The following PIP5K1A variants were observed in gnomAD, a reference collection of about 807,000 sequenced individuals.
PIP5K1A encodes phosphatidylinositol-4-phosphate 5-kinase type 1 alpha.
PIP5K1A carries 46 observed loss-of-function variants against 72.9 expected under a neutral mutation model. That is an observed-to-expected ratio of 0.63 (90% CI 0.50 to 0.81). The LOEUF (loss-of-function observed/expected upper bound fraction) is 0.81, where lower values mean the gene tolerates loss of function less well. Among genes scored for constraint, PIP5K1A ranks in the 30% least tolerant of loss-of-function variants. The pLI is 0.00. For synonymous variants in PIP5K1A, 228 were observed against 255.1 expected (o/e 0.89, Z 1.01); for missense variants, 458 against 706.1 (o/e 0.65, Z 3.98).
At position 151,247,798 on chromosome 1, in the gene PIP5K1A, G is replaced by T. The variant is rs12065634; in HGVS notation, c.1687-65G>T. On this transcript the variant is annotated intron_variant, in intron 15 of 15. Coordinates refer to ENST00000368888, the MANE Select transcript of PIP5K1A (RefSeq NM_001135638.2). Reference sequence around the variant, plus strand: ...GAGGCTGAAATAGAAATTTCTTAACGCTTGAATTCCATTTCTGCTTAATCT... The same window carrying T: ...GAGGCTGAAATAGAAATTTCTTAACTCTTGAATTCCATTTCTGCTTAATCT... 7.4e-3 allele frequency: 10,042 copies of T among 1,350,990 alleles called. 529 individuals are homozygous for T. In the African/African-American group the frequency reaches 0.12, roughly 16 times the overall value. 83.7% of individuals were successfully genotyped at this position (1,350,990 alleles called of 1,614,324 possible).
At chr1:151,210,252 A>G (rs955869047) in intron 1 of PIP5K1A, among the ~76,000 whole-genome samples, 4 of 150,078 alleles carry the variant, frequency 2.7e-5, no homozygotes, top group Non-Finnish European at 5.9e-5. Context: ...GTGGTGTGCA[A>G]TGGCATGATG....
intron 1 of PIP5K1A, among the ~76,000 whole-genome samples, chr1:151,219,301 A>G (rs1688054773): frequency 1.3e-5 from 2 of 150,838 alleles, no homozygotes; most frequent in Non-Finnish European, 2.9e-5. Context: ...GAATCAGTTG[A>G]GCCCAGGAGG....
At chr1:151,224,610 G>A (rs1043766368) in intron 3 of PIP5K1A, among the ~76,000 whole-genome samples, 2 of 152,182 alleles carry the variant, frequency 1.3e-5, no homozygotes, top group Non-Finnish European at 2.9e-5. Flanking sequence ...TTTTACAGAT[G>A]AAGAAAGTGA....
chr1:151,228,148 T>C (rs910719447), intron 4 of PIP5K1A, among the ~76,000 whole-genome samples: 3 of 152,010 alleles, frequency 2.0e-5, no homozygotes, highest in African/African-American at 7.2e-5. Context: ...TCTTCCATTT[T>C]TTTTTTAGAG....
Position 151,247,048 on chromosome 1 carries a change from G to A in PIP5K1A, c.1686+83G>A. Reference sequence around the variant, plus strand: ...GATGGCCTGGAGCAGGAAGTTAATTGTCAAGATTAGAGGATCTGGGTACCT... The same window carrying A: ...GATGGCCTGGAGCAGGAAGTTAATTATCAAGATTAGAGGATCTGGGTACCT... On this transcript the variant is annotated intron_variant, in intron 15 of 15. Coordinates refer to ENST00000368888, the MANE Select transcript of PIP5K1A (RefSeq NM_001135638.2). The A allele has an allele frequency of 2.4e-6, 2 of 847,308 alleles. 1 individual carries two copies. 52.5% of individuals were successfully genotyped at this position (847,308 alleles called of 1,614,324 possible). A position where few individuals can be genotyped will look rare whatever the true frequency, so the allele number is the denominator to read the frequency against.
chr1:151,216,074 A>G (rs947745920), intron 1 of PIP5K1A: 13 of 793,226 alleles, frequency 1.6e-5, no homozygotes, highest in African/African-American at 7.1e-5. Context: ...CCTCTTCCCC[A>G]TAACAGTTGC....
intron 3 of PIP5K1A, among the ~76,000 whole-genome samples, chr1:151,226,420 A>G (rs977999587): frequency 6.6e-6 from 1 of 151,892 alleles, no homozygotes; most frequent in African/African-American, 2.4e-5. Context: ...GTTTAAAAAT[A>G]CTCACCTTTG....
upstream of PIP5K1A, chr1:151,197,809 C>T: frequency 3.3e-6 from 1 of 299,982 alleles, no homozygotes; most frequent in Non-Finnish European, 6.6e-6. Context: ...GACTGGTCTT[C>T]CCACCAGGGT....
intron 1 of PIP5K1A, among the ~76,000 whole-genome samples, chr1:151,223,142 G>A (rs1030234356): frequency 1.3e-5 from 2 of 151,262 alleles, no homozygotes; most frequent in Non-Finnish European, 1.5e-5. Context: ...CCTGAGGTCA[G>A]GAATTCAAGA....
At chr1:151,214,364 T>TTTTTTGTTTTTG (rs587671699) in intron 1 of PIP5K1A, among the ~76,000 whole-genome samples, 3 of 151,938 alleles carry the variant, frequency 2.0e-5, no homozygotes, top group African/African-American at 7.3e-5. Flanking sequence ...TTTTTTCTGT[T>TTTTTTGTTTTTG]TTTTTGTTTT....
Position 151,199,064 on chromosome 1 carries a change from C to A in PIP5K1A, c.68C>A (p.Ser23Tyr), listed in dbSNP as rs775222396. The change falls in exon 1 of 16, where the codon TCC becomes TAC. Residue 23 changes from serine to tyrosine, a missense_variant. This residue lies in a region of PIP5K1A where 81 missense variants were observed against 88.0 expected (regional missense o/e 0.92). Transcript: ENST00000368888. ...TCATCCTTTGATCCCGCGGTCCCTT[C>A]CTGTACCTTGTCCTCAGGTAAGCCC... ...GFSSFDPAVP[S>Y]CTLSSAASGI... is the part of the protein sequence containing the mutation. The A allele has an allele frequency of 9.9e-6, 16 of 1,614,158 alleles. No homozygotes were observed. In the East Asian group the frequency reaches 3.1e-4, roughly 31 times the overall value.
chr1:151,236,787 G>T lies in PIP5K1A; in HGVS notation c.1145+24G>T, dbSNP rs190842674. On this transcript the variant is annotated intron_variant, in intron 9 of 15. Transcript: ENST00000368888. The stretch of plus-strand genomic sequence containing the variant: ...CAGTAAGTGGGCTCAGGGCCACTAG[G>T]GGGGAGAACATAGGCCCACAGCACT... 91 of 1,531,304 alleles carry T rather than the reference G, an allele frequency of 5.9e-5. No homozygotes were observed. Among genetic ancestry groups the T allele is most frequent in the Non-Finnish European group, 7.1e-5 (79 of 1,108,078 alleles). The allele number at this position is 1,531,304 out of a possible 1,614,324, so 94.9% of individuals were successfully genotyped here.
At chr1:151,235,476 A>G (rs587615284) in intron 8 of PIP5K1A, among the ~76,000 whole-genome samples, 1 of 152,360 alleles carries the variant, frequency 6.6e-6, no homozygotes, top group East Asian at 1.9e-4. Flanking sequence ...TTACATTTGT[A>G]TCCCTTTCTA....
At chr1:151,227,179 GGATA>G (rs1277811246) in intron 3 of PIP5K1A, 137 bp from the exon 4 acceptor site, 5 of 597,112 alleles carry the variant, frequency 8.4e-6, no homozygotes, top group Non-Finnish European at 1.2e-5. Flanking sequence ...TATTTGCATG[GGATA>G]GATCTGAAGA....
intron 1 of PIP5K1A, among the ~76,000 whole-genome samples, chr1:151,207,766 G>A (rs1254665359): frequency 1.3e-5 from 2 of 151,032 alleles, no homozygotes; most frequent in African/African-American, 4.9e-5. Context: ...TCCTGACCTC[G>A]TGATCTGCCT....
intron 12 of PIP5K1A, among the ~76,000 whole-genome samples, chr1:151,241,176 T>C (rs1691631545): frequency 6.7e-6 from 1 of 150,314 alleles, no homozygotes; most frequent in Admixed American, 6.6e-5. Flanking sequence ...AAAAAAGTTA[T>C]CTTTCTCAGG....
intron 1 of PIP5K1A, among the ~76,000 whole-genome samples, chr1:151,219,343 T>G (rs1229086759): frequency 7.0e-6 from 1 of 142,894 alleles, no homozygotes; most frequent in Non-Finnish European, 1.5e-5. Flanking sequence ...ATCGTGCCAC[T>G]GCACTCCAGC....
chr1:151,205,188 CAG>C (rs1685758133), intron 1 of PIP5K1A, among the ~76,000 whole-genome samples: 1 of 151,990 alleles, frequency 6.6e-6, no homozygotes, highest in Non-Finnish European at 1.5e-5. Flanking sequence ...TTTTTTGAGA[CAG>C]AGTCTTGCTC....
chr1:151,222,408 A>T (rs1331483073), intron 1 of PIP5K1A, among the ~76,000 whole-genome samples: 1 of 152,186 alleles, frequency 6.6e-6, no homozygotes, highest in African/African-American at 2.4e-5. Flanking sequence ...ATTTTGCAAG[A>T]GTGTAGCAGC....
Sources: allele counts gnomAD v4.1 joint callset (sites outside exome capture counted in the v4.1 genomes callset), GRCh38; gene constraint gnomAD v4.1.1; regional missense constraint gnomAD v4.1.1; transcripts MANE v1.5; gene names NCBI Gene and HGNC (gene_info 2026-07-23, HGNC 2026-07-21).